The following CHL1 variants were observed in gnomAD, a reference collection of about 807,000 sequenced individuals.
CHL1 encodes the protein cell adhesion molecule L1 like, also known as neural cell adhesion molecule L1-like protein.
CHL1 carries 96 observed loss-of-function variants against 141.9 expected under a neutral mutation model. The ratio of observed to expected loss-of-function variants is 0.68; its 90% CI spans 0.57 to 0.80. The LOEUF (loss-of-function observed/expected upper bound fraction) is 0.80, where lower values mean the gene tolerates loss of function less well. Among genes scored for constraint, CHL1 ranks in the 30% least tolerant of loss-of-function variants. The probability of loss-of-function intolerance (pLI) is 0.00; values close to 1 mark genes in which losing one functional copy is unlikely to be tolerated. For synonymous variants in CHL1, 613 were observed against 502.2 expected (o/e 1.22, Z -2.95); for missense variants, 1,820 against 1,457.2 (o/e 1.25, Z -4.05).
In CHL1 at chr3:401,677, A is replaced by C. The variant is rs192112360; in HGVS notation, c.3437A>C (p.Asp1146Ala). The C allele has an allele frequency of 5.0e-6, 8 of 1,593,118 alleles. No homozygotes were observed. Among genetic ancestry groups the C allele is most frequent in the Admixed American group, 3.5e-5 (2 of 56,528 alleles). Residue 1146 changes from aspartate to alanine, a missense_variant, in exon 27 of 28, where the codon GAT becomes GCT. Physicochemically the swap from Asp to Ala is moderately radical, Grantham distance 126. Transcript: ENST00000256509. The part of the protein sequence containing the change: ...HPDPEIQSVK[D>A]ETFGEYSDSD... ...GACCCAGAAATTCAGTCAGTAAAAG[A>C]TGAAACCTTTGGTGAATACAGGTAA...
rs527350915 is a variant in CHL1, at chr3:300,692, A to T, written c.-94-18991A>T. Among the ~76,000 whole-genome samples, 3 of 152,318 alleles carry T rather than the reference A, an allele frequency of 2.0e-5. No individual in the cohort carries two copies. In the East Asian group the frequency reaches 5.8e-4, roughly 29 times the overall value. On this transcript the variant is annotated intron_variant, in intron 2 of 27. Transcript: ENST00000256509. ...TATTGTCTAGTAAGAGACAAGCATC[A>T]TAAGACATTACACTAGTGAATGTAT... is the stretch of plus-strand genomic sequence containing the variant.
In CHL1 at chr3:360,349, C is replaced by A; in HGVS notation, c.1231C>A (p.His411Asn). ...CAGTTTTACCAACCTTCAACCAAAT[C>A]ATACTGCTGTGTACCAGTGTGAAGC... ...EISFTNLQPNHTAVYQCEASN... is the reference protein window; with the variant it reads ...EISFTNLQPNNTAVYQCEASN... The change falls in exon 12 of 28, where the codon CAT becomes AAT. Residue 411 changes from histidine (H) to asparagine (N), a missense_variant. His to Asn is a moderately conservative substitution (Grantham distance 68). Transcript: ENST00000256509. 1 of 1,613,790 alleles carries A rather than the reference C, an allele frequency of 6.2e-7. No homozygotes were observed. Among genetic ancestry groups the A allele is most frequent in the Non-Finnish European group, 8.5e-7 (1 of 1,179,754 alleles).
intron 19 of CHL1, among the ~76,000 whole-genome samples, chr3:386,227 C>G (rs1021849202): frequency 3.6e-5 from 5 of 139,780 alleles, no homozygotes; most frequent in African/African-American, 1.3e-4. Context: ...AAAAAAAAAG[C>G]TGATCTTTCC....
At chr3:248,206 G>A (rs541075446) in intron 2 of CHL1, 1 of 152,156 alleles carries the variant, frequency 6.6e-6, no homozygotes, top group East Asian at 1.9e-4. Context: ...GAGTTTTATT[G>A]AAGTTGCTTT....
At chr3:401,759 A>G in intron 27 of CHL1, 61 bp downstream of exon 27, 1 of 948,394 alleles carries the variant, frequency 1.1e-6, no homozygotes. Context: ...AGCTTAAGTG[A>G]ACAAAAAGGT....
intron 1 of CHL1, among the ~76,000 whole-genome samples, chr3:210,250 G>A (rs1699794546): frequency 6.6e-6 from 1 of 152,234 alleles, no homozygotes; most frequent in Non-Finnish European, 1.5e-5. Context: ...ATCACTGAAT[G>A]ACAAACTAAC....
chr3:269,794 C>T (rs970465867), intron 2 of CHL1, among the ~76,000 whole-genome samples: 16 of 152,132 alleles, frequency 1.1e-4, no homozygotes, highest in African/African-American at 3.4e-4. Flanking sequence ...CCAAAGTGCA[C>T]GGATTACAAG....
At chr3:292,953 A>G (rs1208466136) in intron 2 of CHL1, among the ~76,000 whole-genome samples, 1 of 152,374 alleles carries the variant, frequency 6.6e-6, no homozygotes, top group South Asian at 2.1e-4. Context: ...TGGTTGAGAC[A>G]GATATCCAAG....
intron 27 of CHL1, among the ~76,000 whole-genome samples, chr3:403,062 C>T (rs1457932136): frequency 6.6e-6 from 1 of 152,158 alleles, no homozygotes; most frequent in African/African-American, 2.4e-5. Flanking sequence ...AAAGTTTCAG[C>T]CAAAGCACAA....
intron 5 of CHL1, among the ~76,000 whole-genome samples, chr3:336,329 G>A (rs973762934): frequency 1.3e-5 from 2 of 152,096 alleles, no homozygotes; most frequent in Non-Finnish European, 2.9e-5. Context: ...CTGTAGTGTT[G>A]CATAACATGG....
rs1704452527 is a variant in CHL1 at position 363,153 on chromosome 3, A to T, written c.1419-64A>T. 32 of 1,345,644 alleles carry T rather than the reference A, an allele frequency of 2.4e-5. No individual in the cohort carries two copies. The South Asian group carries it at 3.3e-4, about 14-fold the overall frequency. The allele number at this position is 1,345,644 out of a possible 1,614,324, so 83.4% of individuals were successfully genotyped here. A position where few individuals can be genotyped will look rare whatever the true frequency, so the allele number is the denominator to read the frequency against. ...ATTAGCCTGAATGACGTCACTGACT[A>T]GTATTAAAAAGCGTATACAATTTTG... On this transcript the variant is annotated intron_variant, in intron 13 of 27. Coordinates refer to ENST00000256509, the MANE Select transcript of CHL1 (RefSeq NM_006614.4).
Position 329,504 on chromosome 3 carries a change from A to G in CHL1, c.385+1150A>G, listed in dbSNP as rs3773414. ...AAGTAAGGTGTGCATCTTAAAATTT[A>G]TAAGTATGTACACTAAAATTATAAG... On this transcript the variant is annotated intron_variant, in intron 5 of 27. Coordinates refer to ENST00000256509, the MANE Select transcript of CHL1 (RefSeq NM_006614.4). 8.3e-3 allele frequency among the ~76,000 whole-genome samples: 1,258 copies of G among 152,148 alleles called. 48 individuals are homozygous for G. The highest frequency in any genetic ancestry group is 0.063 in the Admixed American group (952 of 15,218).
chr3:255,378 T>G (rs943852280), intron 2 of CHL1, among the ~76,000 whole-genome samples: 2 of 152,194 alleles, frequency 1.3e-5, no homozygotes, highest in Non-Finnish European at 2.9e-5. Context: ...TTTAAGTGAT[T>G]ATGATTTCTA....
chr3:361,896 T>G, intron 13 of CHL1, 86 bp downstream of exon 13: 1 of 941,864 alleles, frequency 1.1e-6, no homozygotes, highest in Non-Finnish European at 1.7e-6. Context: ...ACAGGCTGTA[T>G]TGTGTCTATA....
intron 5 of CHL1, among the ~76,000 whole-genome samples, chr3:335,659 C>T (rs1032977513): frequency 2.2e-4 from 34 of 152,282 alleles, no homozygotes; most frequent in African/African-American, 7.0e-4. Context: ...TAGGAAGATT[C>T]GTCCAATGAT....
At chr3:237,079 G>A (rs1692061585) in intron 1 of CHL1, among the ~76,000 whole-genome samples, 1 of 152,144 alleles carries the variant, frequency 6.6e-6, no homozygotes, top group Non-Finnish European at 1.5e-5. Flanking sequence ...TACGCTGTTG[G>A]CTTCTAATAT....
intron 6 of CHL1, 45 bp downstream of exon 6, chr3:340,961 C>A (rs1484151238): frequency 1.3e-6 from 2 of 1,557,450 alleles, no homozygotes; most frequent in Admixed American, 1.8e-5. Flanking sequence ...CATTTTAATT[C>A]TATCCATCAT....
At chr3:368,990 A>G (rs1378080992) in intron 15 of CHL1, among the ~76,000 whole-genome samples, 1 of 152,180 alleles carries the variant, frequency 6.6e-6, no homozygotes, top group Non-Finnish European at 1.5e-5. Context: ...TGTTTTGGTT[A>G]CTGTCGCCTT....
chr3:352,003 A>T (rs984133290), intron 10 of CHL1, among the ~76,000 whole-genome samples: 1 of 152,186 alleles, frequency 6.6e-6, no homozygotes, highest in African/African-American at 2.4e-5. Context: ...ATTTAAAAAT[A>T]AGCTCCCACC....
Sources: gnomAD v4.1 joint callset for allele counts (sites outside exome capture counted in the v4.1 genomes callset) on GRCh38, gnomAD v4.1.1 for gene constraint, MANE v1.5 for transcripts, NCBI Gene and HGNC (gene_info 2026-07-23, HGNC 2026-07-21) for gene names.